Variants in SKA3 observed in about 807,000 individuals in gnomAD.
SKA3 encodes the protein spindle and kinetochore-associated protein 3.
In SKA3, 39 loss-of-function variants were observed where a neutral mutation model predicts 44.2. The observed-to-expected ratio is 0.88, with a 90% CI of 0.68 to 1.15. The LOEUF (loss-of-function observed/expected upper bound fraction) is 1.15. Among genes scored for constraint, SKA3 ranks in the 50% most tolerant of loss-of-function variants. The probability of loss-of-function intolerance (pLI) is 0.00; values close to 1 mark genes in which losing one functional copy is unlikely to be tolerated. For missense variants in SKA3, 511 were observed against 485.8 expected, an observed-to-expected ratio of 1.05 and a Z score of -0.49; for synonymous variants, 192 against 172.0, an observed-to-expected ratio of 1.12 and a Z score of -0.91.
At chr13:21,171,513 C>T (rs1263965843) in intron 3 of SKA3, among the ~76,000 whole-genome samples, 1 of 150,850 alleles carries the variant, frequency 6.6e-6, no homozygotes, top group Non-Finnish European at 1.5e-5. Context: ...GGAGGTAGAG[C>T]TTGCAGTGAG....
chr13:21,161,485 A>G (rs1870436292), intron 5 of SKA3, among the ~76,000 whole-genome samples: 1 of 152,206 alleles, frequency 6.6e-6, no homozygotes, highest in South Asian at 2.1e-4. Flanking sequence ...ACTCTAATCA[A>G]TAGGTTAAAA....
intron 7 of SKA3, among the ~76,000 whole-genome samples, chr13:21,157,677 T>C (rs1565991348): frequency 6.6e-6 from 1 of 152,078 alleles, no homozygotes; most frequent in Non-Finnish European, 1.5e-5. Flanking sequence ...AATTGTAGGG[T>C]AAATGACTTT....
At chr13:21,169,210 C>T (rs947148271) in intron 3 of SKA3, among the ~76,000 whole-genome samples, 4 of 25,682 alleles carry the variant, frequency 1.6e-4, no homozygotes, top group African/African-American at 2.0e-4. Flanking sequence ...AAACAACCTG[C>T]AGGCACAACA....
intron 4 of SKA3, among the ~76,000 whole-genome samples, chr13:21,166,205 G>C (rs1028118485): frequency 6.6e-6 from 1 of 151,852 alleles, no homozygotes; most frequent in Non-Finnish European, 1.5e-5. Context: ...TTTTAGTAGA[G>C]AGGGTTTCAT....
At chr13:21,158,688 G>C (rs746049547) in intron 6 of SKA3, among the ~76,000 whole-genome samples, 3 of 152,126 alleles carry the variant, frequency 2.0e-5, no homozygotes, top group Non-Finnish European at 2.9e-5. Flanking sequence ...ATGAACCAAA[G>C]ATTTAGATGG....
At chr13:21,173,333 T>G (rs936488797) in intron 1 of SKA3, among the ~76,000 whole-genome samples, 1 of 152,210 alleles carries the variant, frequency 6.6e-6, no homozygotes, top group Non-Finnish European at 1.5e-5. Flanking sequence ...CTTGGCTCAC[T>G]GCAACCTTCA....
rs1231468526 is a variant in SKA3, at chr13:21,154,206, T to C, written c.*944A>G. On this transcript the variant is annotated 3_prime_UTR_variant, in exon 9 of 9. Transcript: ENST00000314759. ...AGTATGCTAGGTCCTTATTTTCTCA[T>C]TGGCTGTAATTTGACAAGTTCTCCA... 6.6e-6 allele frequency: 1 copy of C among 152,264 alleles called. No individual in the cohort carries two copies. The highest frequency in any genetic ancestry group is 1.5e-5 in the Non-Finnish European group (1 of 68,050). The allele number at this position is 152,264 out of a possible 1,614,324, so 9.4% of individuals were successfully genotyped here. A position where few individuals can be genotyped will look rare whatever the true frequency, so the allele number is the denominator to read the frequency against.
At chr13:21,156,426 T>C (rs1464792297) in intron 7 of SKA3, among the ~76,000 whole-genome samples, 1 of 152,070 alleles carries the variant, frequency 6.6e-6, no homozygotes, top group Non-Finnish European at 1.5e-5. Flanking sequence ...ATAAAAATTA[T>C]GAAAGGAGAA....
intron 4 of SKA3, among the ~76,000 whole-genome samples, chr13:21,166,314 T>C (rs1008313502): frequency 6.6e-6 from 1 of 152,170 alleles, no homozygotes; most frequent in African/African-American, 2.4e-5. Context: ...TGATTACTGG[T>C]CTACCCAGGT....
At chr13:21,175,669 T>C (rs1292829757) in intron 1 of SKA3, among the ~76,000 whole-genome samples, 2 of 152,210 alleles carry the variant, frequency 1.3e-5, no homozygotes, top group Admixed American at 1.3e-4. Flanking sequence ...ACATTACAAT[T>C]ATGACATTTA....
rs554352534 is a variant in SKA3 at position 21,172,288 on chromosome 13, C to T, written c.331+51G>A. On this transcript the variant is annotated intron_variant, in intron 3 of 8. Coordinates refer to ENST00000314759, the MANE Select transcript of SKA3 (RefSeq NM_145061.6). ...GGCTACAGTTGTCTTAATCATGCTGCCTTGTTTCTTCAATACTAAAACAAA... is the reference window on the plus strand; with the variant it reads ...GGCTACAGTTGTCTTAATCATGCTGTCTTGTTTCTTCAATACTAAAACAAA... 3 of 1,079,978 alleles carry T rather than the reference C, an allele frequency of 2.8e-6. No individual in the cohort carries two copies. In the East Asian group the frequency reaches 1.2e-4, roughly 43 times the overall value. The allele number at this position is 1,079,978 out of a possible 1,614,324, so 66.9% of individuals were successfully genotyped here.
At chr13:21,171,330 A>G (rs1199660082) in intron 3 of SKA3, among the ~76,000 whole-genome samples, 1 of 152,174 alleles carries the variant, frequency 6.6e-6, no homozygotes, top group Non-Finnish European at 1.5e-5. Context: ...TAGTCCCAGC[A>G]CTTTGGGAGG....
intron 5 of SKA3, among the ~76,000 whole-genome samples, chr13:21,160,741 C>T (rs370993850): frequency 2.0e-5 from 3 of 152,066 alleles, no homozygotes; most frequent in East Asian, 1.9e-4. Context: ...ATGAGAAACA[C>T]GCATATGCAC....
intron 4 of SKA3, among the ~76,000 whole-genome samples, chr13:21,165,358 G>C (rs1251597788): frequency 6.6e-6 from 1 of 151,952 alleles, no homozygotes; most frequent in Admixed American, 6.6e-5. Flanking sequence ...GGAAGTCGAA[G>C]CTGCAGTGAG....
chr13:21,167,907 TATTTC>T (rs1467131944), intron 4 of SKA3, 76 bp downstream of exon 4: 12 of 1,223,876 alleles, frequency 9.8e-6, no homozygotes, highest in Non-Finnish European at 1.3e-5. Context: ...TGAAACATTT[TATTTC>T]TTCTGGAAAA....
At chr13:21,172,822 A>T in intron 1 of SKA3, 141 bp from the exon 2 acceptor site, 1 of 541,614 alleles carries the variant, frequency 1.8e-6, no homozygotes, top group Non-Finnish European at 3.3e-6. Flanking sequence ...ATAAGATAAT[A>T]CCATATTTTT....
At chr13:21,166,773 C>G (rs1271989476) in intron 4 of SKA3, among the ~76,000 whole-genome samples, 1 of 152,020 alleles carries the variant, frequency 6.6e-6, no homozygotes, top group East Asian at 1.9e-4. Context: ...CAATATAGTC[C>G]TTAGTTCTTA....
At chr13:21,166,325 T>A (rs1440159760) in intron 4 of SKA3, among the ~76,000 whole-genome samples, 1 of 152,144 alleles carries the variant, frequency 6.6e-6, no homozygotes, top group Non-Finnish European at 1.5e-5. Flanking sequence ...CTACCCAGGT[T>A]TTCTACTTCA....
chr13:21,176,150 G>A (rs947355172), intron 1 of SKA3, among the ~76,000 whole-genome samples: 1 of 152,088 alleles, frequency 6.6e-6, no homozygotes, highest in Admixed American at 6.6e-5. Context: ...GGTCTAAAAC[G>A]GACACGCGAC....
Sources: gnomAD v4.1 joint callset for allele counts (sites outside exome capture counted in the v4.1 genomes callset) on GRCh38, gnomAD v4.1.1 for gene constraint, MANE v1.5 for transcripts, NCBI Gene and HGNC (gene_info 2026-07-23, HGNC 2026-07-21) for gene names.